The following CFAP57 variants were observed in gnomAD, a reference collection of about 807,000 sequenced individuals.
CFAP57 encodes the protein cilia and flagella associated protein 57, also known as cilia- and flagella-associated protein 57.
CFAP57 carries 116 observed loss-of-function variants against 146.8 expected under a neutral mutation model. The observed-to-expected ratio is 0.79, with a 90% CI of 0.68 to 0.92. CFAP57 has a LOEUF of 0.92. Among genes scored for constraint, CFAP57 ranks in the 40% least tolerant of loss-of-function variants. CFAP57 has a pLI of 0.00. For missense variants in CFAP57, 1,377 were observed against 1,527.2 expected (o/e 0.90, Z 1.64); for synonymous variants, 518 against 552.8 (o/e 0.94, Z 0.88).
chr1:43,198,793 C>T (rs1643980298), intron 8 of CFAP57, 147 bp downstream of exon 8: 2 of 813,228 alleles, frequency 2.5e-6, no homozygotes, highest in Admixed American at 4.2e-5. Context: ...GGAGGAAATC[C>T]AGTTATTTTC....
At chr1:43,241,600 G>C (rs1323489884) in intron 21 of CFAP57, among the ~76,000 whole-genome samples, 1 of 151,996 alleles carries the variant, frequency 6.6e-6, no homozygotes, top group Non-Finnish European at 1.5e-5. Context: ...GTTTGTTCCT[G>C]GCACAGGTCC....
intron 22 of CFAP57, among the ~76,000 whole-genome samples, chr1:43,249,799 C>T (rs1264748543): frequency 6.6e-6 from 1 of 151,720 alleles, no homozygotes; most frequent in Non-Finnish European, 1.5e-5. Flanking sequence ...ATAAGAGGCT[C>T]AAAGTTAAAT....
intron 11 of CFAP57, among the ~76,000 whole-genome samples, chr1:43,212,905 T>C (rs965254464): frequency 6.9e-6 from 1 of 145,076 alleles, no homozygotes; most frequent in Non-Finnish European, 1.5e-5. Context: ...CACTGCACTC[T>C]TAGCCTGGGC....
At chr1:43,224,736 C>A (rs1206793978) in intron 17 of CFAP57, among the ~76,000 whole-genome samples, 1 of 152,202 alleles carries the variant, frequency 6.6e-6, no homozygotes, top group Non-Finnish European at 1.5e-5. Context: ...TACCTCAATA[C>A]CCAGTATGTA....
At chr1:43,227,844 C>T (rs1645312685) in intron 18 of CFAP57, among the ~76,000 whole-genome samples, 1 of 152,188 alleles carries the variant, frequency 6.6e-6, no homozygotes, top group South Asian at 2.1e-4. Flanking sequence ...AGTTTTCCCT[C>T]TCTCAGTTAG....
intron 22 of CFAP57, among the ~76,000 whole-genome samples, chr1:43,248,975 G>A (rs1375719056): frequency 5.3e-5 from 8 of 151,616 alleles, no homozygotes; most frequent in East Asian, 1.9e-4. Flanking sequence ...TCCGCCTCCC[G>A]GGTTCATGCC....
chr1:43,225,997 A>AC (rs551806002), intron 17 of CFAP57, among the ~76,000 whole-genome samples: 43 of 152,224 alleles, frequency 2.8e-4, no homozygotes, highest in Middle Eastern at 6.8e-3. Flanking sequence ...ACATGGTGAA[A>AC]CCCCATCTCT....
chr1:43,172,501 G>C (rs186792830), intron 1 of CFAP57, 48 bp downstream of exon 1: 1 of 1,510,922 alleles, frequency 6.6e-7, no homozygotes, highest in African/African-American at 1.4e-5. Context: ...GTAGCAGTGA[G>C]GGTACAAAGG....
chr1:43,224,769 C>T (rs1425980694), intron 17 of CFAP57, among the ~76,000 whole-genome samples: 1 of 152,198 alleles, frequency 6.6e-6, no homozygotes, highest in Non-Finnish European at 1.5e-5. Flanking sequence ...TGAGCACATC[C>T]AGATTCCGTG....
At chr1:43,237,289 TC>T (rs1478171181) in intron 21 of CFAP57, among the ~76,000 whole-genome samples, 1 of 152,110 alleles carries the variant, frequency 6.6e-6, no homozygotes. Context: ...GCCTCCCCAC[TC>T]CATTCCTCAG....
At chr1:43,227,347 G>A (rs11587212) in intron 18 of CFAP57, among the ~76,000 whole-genome samples, 45,385 of 152,148 alleles carry the variant, frequency 0.3, 6,873 homozygotes, top group Middle Eastern at 0.33. Context: ...AACTTGCCAC[G>A]GGACCTGGAG....
chr1:43,204,780 T>A (rs1644287231), intron 9 of CFAP57, among the ~76,000 whole-genome samples: 1 of 152,218 alleles, frequency 6.6e-6, no homozygotes, highest in Non-Finnish European at 1.5e-5. Flanking sequence ...TGATGGCTTT[T>A]GCATCATGTT....
rs1006282371 is a variant in CFAP57 at position 43,254,011 on chromosome 1, C to T, written c.3573C>T (p.Thr1191=). The part of the protein sequence containing the change: ...PSRDMLSTAP[T]ARLNEQEETG... ...GGGACATGCTCAGCACAGCTCCCAC[C>T]GCAAGGTTGAATGAGCAAGAAGAAA... Residue 1191 remains threonine, a synonymous_variant, in exon 23 of 23, where the codon ACC becomes ACT. Coordinates refer to ENST00000372492, the MANE Select transcript of CFAP57 (RefSeq NM_001378189.1). 3.8e-5 allele frequency: 59 copies of T among 1,550,414 alleles called. 1 individual carries two copies. Among genetic ancestry groups the T allele is most frequent in the African/African-American group, 2.3e-4 (17 of 73,012 alleles).
chr1:43,222,067 G>C (rs1408205430), intron 14 of CFAP57, 38 bp from the exon 15 acceptor site: 2 of 1,510,276 alleles, frequency 1.3e-6, no homozygotes, highest in Non-Finnish European at 1.8e-6. Context: ...AGCAAGTGCT[G>C]CTCTCCCACC....
Position 43,225,051 on chromosome 1 carries a change from TTTTGTTTG to T in CFAP57, c.2865+879_2865+886del, listed in dbSNP as rs146484094. Reference sequence around the variant, plus strand: ...TGAGTGTCGGTGTACATATCCAGGGTTTTGTTTGTTTGTTTGTTTGTTTGTTTGTTTGT... The same window carrying T: ...TGAGTGTCGGTGTACATATCCAGGGTTTTGTTTGTTTGTTTGTTTGTTTGT... On this transcript the variant is annotated intron_variant, in intron 17 of 22. Coordinates refer to ENST00000372492, the MANE Select transcript of CFAP57 (RefSeq NM_001378189.1). Among the ~76,000 whole-genome samples the T allele has an allele frequency of 3.3e-3, 506 of 151,230 alleles. 2 individuals are homozygous for T. Among genetic ancestry groups the T allele is most frequent in the African/African-American group, 0.01 (417 of 41,086 alleles).
Position 43,254,251 on chromosome 1 carries a change from A to G in CFAP57, c.*60A>G, listed in dbSNP as rs1570392928. 2.8e-6 allele frequency: 4 copies of G among 1,450,714 alleles called. No homozygotes were observed. Among genetic ancestry groups the G allele is most frequent in the Non-Finnish European group, 2.8e-6 (3 of 1,076,942 alleles). 89.9% of individuals were successfully genotyped at this position (1,450,714 alleles called of 1,614,324 possible). A position where few individuals can be genotyped will look rare whatever the true frequency, so the allele number is the denominator to read the frequency against. ...AAGAAACACAGCATGTCTGTCCCCA[A>G]GCCAGACTTGCGGTTGGAGTCTGTA... On this transcript the variant is annotated 3_prime_UTR_variant, in exon 23 of 23. Transcript: ENST00000372492.
At chr1:43,202,260 A>G (rs1162713148) in intron 9 of CFAP57, among the ~76,000 whole-genome samples, 1 of 152,252 alleles carries the variant, frequency 6.6e-6, no homozygotes, top group East Asian at 1.9e-4. Context: ...TAGAAAAAGA[A>G]CAGCAAATTA....
chr1:43,247,278 A>G (rs1314901704), intron 22 of CFAP57, among the ~76,000 whole-genome samples: 3 of 152,184 alleles, frequency 2.0e-5, no homozygotes, highest in African/African-American at 4.8e-5. Flanking sequence ...ACATTTCCCC[A>G]CTCAGTCTAC....
intron 6 of CFAP57, among the ~76,000 whole-genome samples, chr1:43,187,096 C>T (rs1643178616): frequency 6.6e-6 from 1 of 152,170 alleles, no homozygotes; most frequent in Non-Finnish European, 1.5e-5. Flanking sequence ...CATTGTCCAT[C>T]AAATTTAAAT....
Sources: gnomAD v4.1 joint callset for allele counts (sites outside exome capture counted in the v4.1 genomes callset) on GRCh38, gnomAD v4.1.1 for gene constraint, MANE v1.5 for transcripts, NCBI Gene and HGNC (gene_info 2026-07-23, HGNC 2026-07-21) for gene names.